RXRA: variants seen among roughly 807,000 people sequenced by gnomAD.
The protein encoded by RXRA is retinoic acid receptor RXR-alpha.
Under a neutral mutation model 44.5 loss-of-function variants are expected in RXRA, and 5 were observed. The observed-to-expected ratio is 0.11, with a 90% CI of 0.06 to 0.24. RXRA has a LOEUF of 0.24. RXRA is among the 10% of genes least tolerant of loss of function. The probability of loss-of-function intolerance (pLI) is 1.00; values close to 1 mark genes in which losing one functional copy is unlikely to be tolerated. For missense variants in RXRA, 412 were observed against 646.5 expected (o/e 0.64, Z 3.93); for synonymous variants, 291 against 271.4 (o/e 1.07, Z -0.71).
intron 4 of RXRA, among the ~76,000 whole-genome samples, chr9:134,414,718 A>C (rs1431645409): frequency 2.6e-5 from 4 of 152,176 alleles, no homozygotes; most frequent in Non-Finnish European, 4.4e-5. Flanking sequence ...GAGACTTTAG[A>C]ATTCTGCCCT....
intron 1 of RXRA, among the ~76,000 whole-genome samples, chr9:134,390,808 T>C (rs1300516218): frequency 6.6e-6 from 1 of 152,094 alleles, no homozygotes; most frequent in East Asian, 1.9e-4. Flanking sequence ...GCCCCGCCAG[T>C]CAGGCCCCTG....
chr9:134,408,427 G>T, intron 3 of RXRA, 128 bp downstream of exon 3: 1 of 1,016,658 alleles, frequency 9.8e-7, no homozygotes, highest in Non-Finnish European at 1.4e-6. Flanking sequence ...AGGGAGGCAG[G>T]TGCCTGGGCC....
intron 1 of RXRA, among the ~76,000 whole-genome samples, chr9:134,346,583 C>T (rs1830155568): frequency 6.6e-6 from 1 of 152,194 alleles, no homozygotes; most frequent in Non-Finnish European, 1.5e-5. Context: ...CTAGGGGTGC[C>T]CAGGGACTGC....
At chr9:134,383,682 A>G (rs1830679042) in intron 1 of RXRA, among the ~76,000 whole-genome samples, 1 of 152,158 alleles carries the variant, frequency 6.6e-6, no homozygotes, top group African/African-American at 2.4e-5. Flanking sequence ...CACCAGCCAC[A>G]GCTGAGTTGG....
chr9:134,329,848 T>C (rs1346038590), intron 1 of RXRA, among the ~76,000 whole-genome samples: 1 of 152,008 alleles, frequency 6.6e-6, no homozygotes, highest in Admixed American at 6.6e-5. Context: ...TGGGAAAGGG[T>C]GCCTGCAGGA....
intron 1 of RXRA, among the ~76,000 whole-genome samples, chr9:134,375,881 G>A (rs1830549355): frequency 2.0e-5 from 3 of 151,944 alleles, no homozygotes; most frequent in South Asian, 2.1e-4. Context: ...CAAACACCAC[G>A]TGCCCTGCGA....
At chr9:134,431,376 A>G (rs1217835154) in intron 7 of RXRA, among the ~76,000 whole-genome samples, 2 of 152,148 alleles carry the variant, frequency 1.3e-5, no homozygotes, top group Non-Finnish European at 2.9e-5. Context: ...CTCTGGTGAC[A>G]AGAAGTAGAC....
intron 1 of RXRA, among the ~76,000 whole-genome samples, chr9:134,383,662 C>T (rs1031246763): frequency 2.0e-5 from 3 of 152,158 alleles, no homozygotes; most frequent in African/African-American, 4.8e-5. Flanking sequence ...ATCTGGGGGT[C>T]ACAGCTGACC....
At chr9:134,410,212 A>ATG (rs1831126192) in intron 4 of RXRA, among the ~76,000 whole-genome samples, 1 of 152,128 alleles carries the variant, frequency 6.6e-6, no homozygotes, top group Non-Finnish European at 1.5e-5. Context: ...GGCTGGTGTG[A>ATG]GGTCCTTGTG....
chr9:134,336,314 C>T (rs1339110056), intron 1 of RXRA, among the ~76,000 whole-genome samples: 4 of 152,182 alleles, frequency 2.6e-5, no homozygotes, highest in South Asian at 2.1e-4. Flanking sequence ...TCTCCTGAGG[C>T]TGGGATCACA....
At chr9:134,334,324 G>T (rs916355313) in intron 1 of RXRA, among the ~76,000 whole-genome samples, 2 of 152,262 alleles carry the variant, frequency 1.3e-5, no homozygotes, top group African/African-American at 4.8e-5. Flanking sequence ...TCTCCTGCCT[G>T]TCAGCAGTGG....
intron 1 of RXRA, among the ~76,000 whole-genome samples, chr9:134,346,743 T>C (rs543732035): frequency 7.2e-5 from 11 of 152,338 alleles, no homozygotes; most frequent in African/African-American, 2.6e-4. Flanking sequence ...CTCGCACTTG[T>C]GTGCTGCTGG....
At chr9:134,330,152 C>T (rs947353096) in intron 1 of RXRA, among the ~76,000 whole-genome samples, 9 of 152,176 alleles carry the variant, frequency 5.9e-5, no homozygotes, top group African/African-American at 1.9e-4. Flanking sequence ...GAGAAGAGGG[C>T]ACAGCTGTCC....
In RXRA at chr9:134,343,488, T is replaced by C. The variant is rs1830110930; in HGVS notation, c.28+16829T>C. On this transcript the variant is annotated intron_variant, in intron 1 of 9. Transcript: ENST00000481739. This position sits in a 1 kb window ranked among gnomAD's most constrained non-coding sequence, Gnocchi z 4.1. ...AAGGAACGTGAGGAGGGCATGAGTG[T>C]TGTATCTCATGGGAAGAAGCATTTT... Among the ~76,000 whole-genome samples the C allele has an allele frequency of 6.6e-6, 1 of 152,012 alleles. No homozygotes were observed. The highest frequency in any genetic ancestry group is 1.5e-5 in the Non-Finnish European group (1 of 67,990).
intron 1 of RXRA, 41 bp downstream of exon 1, chr9:134,326,700 CGGGGGCCGGCGGGCGGGA>C (rs1406497727): frequency 2.0e-6 from 1 of 488,730 alleles, no homozygotes; most frequent in East Asian, 1.8e-4. Flanking sequence ...GGCCGGGGGC[CGGGGGCCGGCGGGCGGGA>C]GGGGGCCGGG....
chr9:134,423,749 T>C, intron 6 of RXRA: 1 of 985,426 alleles, frequency 1.0e-6, no homozygotes, highest in Non-Finnish European at 1.2e-6. Context: ...ACCCTGCCCT[T>C]GTTTGCAGGG....
intron 1 of RXRA, among the ~76,000 whole-genome samples, chr9:134,333,549 G>A (rs143889056): frequency 6.6e-6 from 1 of 152,254 alleles, no homozygotes; most frequent in Non-Finnish European, 1.5e-5. Flanking sequence ...GGGCCAGGCC[G>A]TGTGTAAATC....
intron 1 of RXRA, among the ~76,000 whole-genome samples, chr9:134,386,417 C>T (rs890505736): frequency 3.3e-5 from 5 of 152,244 alleles, no homozygotes; most frequent in African/African-American, 4.8e-5. Context: ...GTGGCCACTC[C>T]GTGTGGCCTG....
At chr9:134,377,310 A>G (rs988383239) in intron 1 of RXRA, among the ~76,000 whole-genome samples, 4 of 152,182 alleles carry the variant, frequency 2.6e-5, no homozygotes, top group Non-Finnish European at 5.9e-5. Flanking sequence ...GCTGTCCCAC[A>G]TGGAAGGCGA....
Sources: gnomAD v4.1 joint callset for allele counts (sites outside exome capture counted in the v4.1 genomes callset) on GRCh38, gnomAD v4.1.1 for gene constraint, Gnocchi (gnomAD v3.1) non-coding constraint, MANE v1.5 for transcripts, NCBI Gene and HGNC (gene_info 2026-07-23, HGNC 2026-07-21) for gene names.